LAMA2: variants seen among roughly 807,000 people sequenced by gnomAD.
LAMA2 encodes the protein laminin subunit alpha 2, also known as laminin subunit alpha-2.
LAMA2 carries 269 observed loss-of-function variants against 364.8 expected under a neutral mutation model. The ratio of observed to expected loss-of-function variants is 0.74; its 90% CI spans 0.67 to 0.82. The LOEUF (loss-of-function observed/expected upper bound fraction) is 0.82, where lower values mean the gene tolerates loss of function less well. Ranked by LOEUF, LAMA2 falls within the 40% of genes least tolerant of loss-of-function variation. The pLI is 0.00. For synonymous variants in LAMA2, 1,379 were observed against 1,370.6 expected (o/e 1.01, Z -0.14); for missense variants, 3,807 against 3,873.2 (o/e 0.98, Z 0.45).
Position 129,384,542 on chromosome 6 carries a change from T to C in LAMA2, c.5071+1309T>C, listed in dbSNP as rs1672821351. Among the ~76,000 whole-genome samples the C allele has an allele frequency of 2.0e-5, 3 of 152,200 alleles. No individual in the cohort carries two copies. In the South Asian group the frequency reaches 6.2e-4, roughly 31 times the overall value. ...ATTATCAACACTGCTTACTTTGTTC[T>C]CTGCAATGAACCTTCCATCTCCCAC... On this transcript the variant is annotated intron_variant, in intron 35 of 64. Transcript: ENST00000421865.
intron 12 of LAMA2, among the ~76,000 whole-genome samples, chr6:129,220,495 A>G (rs1583278955): frequency 1.3e-5 from 2 of 152,366 alleles, no homozygotes; most frequent in East Asian, 1.9e-4. Context: ...TTCTATCAGT[A>G]TATGATTTGT....
chr6:129,261,004 T>G (rs79367376), intron 15 of LAMA2, among the ~76,000 whole-genome samples, 182 bp downstream of exon 15: 1 of 152,140 alleles, frequency 6.6e-6, no homozygotes, highest in Non-Finnish European at 1.5e-5. Flanking sequence ...ATTAACCACA[T>G]AATTTCATTT....
intron 7 of LAMA2, among the ~76,000 whole-genome samples, chr6:129,153,603 C>T (rs574156784): frequency 4.6e-5 from 7 of 152,172 alleles, no homozygotes; most frequent in South Asian, 2.1e-4. Flanking sequence ...ATCTTTTACA[C>T]GTTATTTCAC....
intron 18 of LAMA2, 54 bp from the exon 19 acceptor site, chr6:129,287,793 A>G (rs910186263): frequency 7.3e-6 from 10 of 1,371,316 alleles, no homozygotes; most frequent in Non-Finnish European, 1.0e-5. Flanking sequence ...ATATGTAAAC[A>G]TTGCCCCAAC....
At chr6:129,044,189 T>TATACAC (rs150575470) in intron 1 of LAMA2, among the ~76,000 whole-genome samples, 3 of 151,184 alleles carry the variant, frequency 2.0e-5, no homozygotes, top group African/African-American at 7.3e-5. Context: ...TATATATATA[T>TATACAC]ACACACACAT....
At chr6:129,379,613 C>T (rs1562509394) in intron 34 of LAMA2, among the ~76,000 whole-genome samples, 1 of 152,118 alleles carries the variant, frequency 6.6e-6, no homozygotes, top group Non-Finnish European at 1.5e-5. Flanking sequence ...TCTTCCTACC[C>T]TCTTCCTGCC....
At chr6:129,021,109 G>A (rs1339228832) in intron 1 of LAMA2, among the ~76,000 whole-genome samples, 2 of 151,864 alleles carry the variant, frequency 1.3e-5, no homozygotes, top group African/African-American at 2.4e-5. Context: ...CTCCTTTTTG[G>A]ATTTTCATTT....
chr6:129,468,324 C>G (rs1298037139), intron 51 of LAMA2, among the ~76,000 whole-genome samples: 4 of 151,804 alleles, frequency 2.6e-5, no homozygotes, highest in Non-Finnish European at 5.9e-5. Context: ...TCTATTATCT[C>G]TGGTGTCTCA....
chr6:129,366,129 G>T, intron 32 of LAMA2, 90 bp from the exon 33 acceptor site: 6 of 1,348,272 alleles, frequency 4.5e-6, no homozygotes, highest in Non-Finnish European at 6.4e-6. Context: ...ATTATTCTTG[G>T]ACCATAAAAT....
intron 12 of LAMA2, among the ~76,000 whole-genome samples, chr6:129,222,531 CCCTTCCTGTGTCCAAGTG>C (rs1783931164): frequency 7.8e-6 from 1 of 129,022 alleles, no homozygotes; most frequent in Admixed American, 8.9e-5. Context: ...TGTGATGTTC[CCCTTCCTGTGTCCAAGTG>C]TTTTCATTGT....
rs56125261 is a variant in LAMA2 at position 129,475,826 on chromosome 6, A to C, written c.7451+425A>C. On this transcript the variant is annotated intron_variant, in intron 53 of 64. Transcript: ENST00000421865. ...TGCCATGCTGTCTGCTGAAGAATCA[A>C]ACTGTGCTCTCACATGCTTACCACT... 9.9e-3 allele frequency among the ~76,000 whole-genome samples: 1,513 copies of C among 152,180 alleles called. 19 individuals are homozygous for C. Among genetic ancestry groups the C allele is most frequent in the African/African-American group, 0.034 (1,405 of 41,528 alleles).
intron 1 of LAMA2, among the ~76,000 whole-genome samples, chr6:128,891,550 T>C (rs1449100529): frequency 6.6e-6 from 1 of 152,028 alleles, no homozygotes; most frequent in Non-Finnish European, 1.5e-5. Flanking sequence ...TGTAAAACAC[T>C]GAATATAAAA....
chr6:129,144,326 T>C (rs1345197439), intron 5 of LAMA2, among the ~76,000 whole-genome samples: 1 of 151,996 alleles, frequency 6.6e-6, no homozygotes, highest in East Asian at 1.9e-4. Context: ...TCTCAAACTT[T>C]AATTTCTTCT....
chr6:128,937,472 C>G (rs1562849632), intron 1 of LAMA2, among the ~76,000 whole-genome samples: 2 of 151,938 alleles, frequency 1.3e-5, no homozygotes, highest in Admixed American at 6.6e-5. Context: ...TACTCATTAT[C>G]AGGTACTCAT....
chr6:129,233,581 C>G (rs1323900445), intron 12 of LAMA2, among the ~76,000 whole-genome samples: 1 of 152,078 alleles, frequency 6.6e-6, no homozygotes, highest in Non-Finnish European at 1.5e-5. Context: ...AGGTCTTCAT[C>G]TGCATCATCT....
At chr6:129,012,780 T>C (rs551034090) in intron 1 of LAMA2, among the ~76,000 whole-genome samples, 1 of 152,368 alleles carries the variant, frequency 6.6e-6, no homozygotes, top group South Asian at 2.1e-4. Context: ...CCCACTGTGC[T>C]TGGCCCTCAC....
chr6:129,273,757 T>G (rs979155793), intron 17 of LAMA2, among the ~76,000 whole-genome samples: 1 of 152,132 alleles, frequency 6.6e-6, no homozygotes, highest in Non-Finnish European at 1.5e-5. Flanking sequence ...AGATGTATAT[T>G]CTAATTTGGT....
chr6:129,501,470 G>A (rs926947565), intron 58 of LAMA2, among the ~76,000 whole-genome samples: 3 of 152,222 alleles, frequency 2.0e-5, no homozygotes, highest in Non-Finnish European at 4.4e-5. Context: ...TGCTGTGGCA[G>A]AGTGCTTCGT....
chr6:129,044,602 A>G (rs578047269), intron 1 of LAMA2, among the ~76,000 whole-genome samples: 122 of 151,572 alleles, frequency 8.0e-4, no homozygotes, highest in African/African-American at 2.8e-3. Flanking sequence ...TATTCTATAT[A>G]TAATATGAAT....
Sources: allele counts gnomAD v4.1 joint callset (sites outside exome capture counted in the v4.1 genomes callset), GRCh38; gene constraint gnomAD v4.1.1; transcripts MANE v1.5; gene names NCBI Gene and HGNC (gene_info 2026-07-23, HGNC 2026-07-21).